MAP2K5: variants seen among roughly 807,000 people sequenced by gnomAD.
The protein encoded by MAP2K5 is mitogen-activated protein kinase kinase 5.
MAP2K5 carries 49 observed loss-of-function variants against 83.1 expected under a neutral mutation model. The observed-to-expected ratio is 0.59, with a 90% confidence interval of 0.47 to 0.75. The LOEUF is 0.75. Ranked by LOEUF, MAP2K5 falls within the 30% of genes least tolerant of loss-of-function variation. The pLI is 0.00. For missense variants in MAP2K5, 457 were observed against 557.5 expected (o/e 0.82, Z 1.82); for synonymous variants, 202 against 191.8 (o/e 1.05, Z -0.44).
At chr15:67,675,027 G>A (rs889505546) in intron 13 of MAP2K5, among the ~76,000 whole-genome samples, 6 of 151,992 alleles carry the variant, frequency 3.9e-5, no homozygotes, top group African/African-American at 1.5e-4. Context: ...CCCCACTGCT[G>A]ACATTTAAAA....
chr15:67,800,041 G>A (rs1198857480), intron 21 of MAP2K5, among the ~76,000 whole-genome samples: 2 of 152,114 alleles, frequency 1.3e-5, no homozygotes, highest in Non-Finnish European at 2.9e-5. Flanking sequence ...TGATTAGCCT[G>A]GCCACGCCCA....
intron 17 of MAP2K5, among the ~76,000 whole-genome samples, chr15:67,737,368 T>G (rs2089365896): frequency 6.6e-6 from 1 of 152,214 alleles, no homozygotes. Context: ...GGATAGGGGC[T>G]CATTGGCTTC....
At position 67,770,783 on chromosome 15, in the gene MAP2K5, T is replaced by A. The variant is rs1196484749; in HGVS notation, c.1196+1120T>A. ...ATATAAATGTCAAGCTTTATCACCTTTTTGACTAAGTGTAACATGTTACCT... is the reference window on the plus strand; with the variant it reads ...ATATAAATGTCAAGCTTTATCACCTATTTGACTAAGTGTAACATGTTACCT... On this transcript the variant is annotated intron_variant, in intron 20 of 21. Transcript: ENST00000178640. The surrounding 1 kb of genome is among the most constrained non-coding windows in gnomAD (Gnocchi z 5.0). 6.6e-6 allele frequency among the ~76,000 whole-genome samples: 1 copy of A among 152,196 alleles called. No individual in the cohort carries two copies. The highest frequency in any genetic ancestry group is 1.5e-5 in the Non-Finnish European group (1 of 68,042).
chr15:67,596,266 C>G (rs995864772), intron 7 of MAP2K5, among the ~76,000 whole-genome samples: 3 of 152,008 alleles, frequency 2.0e-5, no homozygotes, highest in African/African-American at 7.3e-5. Context: ...ACTAAAAATA[C>G]AAAAAATTTG....
chr15:67,563,037 G>C lies in MAP2K5; in HGVS notation c.185-246G>C, dbSNP rs1363307108. 6.6e-6 allele frequency among the ~76,000 whole-genome samples: 1 copy of C among 152,140 alleles called. No homozygotes were observed. On this transcript the variant is annotated intron_variant, in intron 2 of 21. Transcript: ENST00000178640. This position sits in a 1 kb window ranked among gnomAD's most constrained non-coding sequence, Gnocchi z 4.5. ...CTCCAGTTATATTTACTTTAACCTA[G>C]AGATATGTTGTGAATGACATGAGCA...
intron 1 of MAP2K5, among the ~76,000 whole-genome samples, chr15:67,545,846 G>A (rs2084378202): frequency 1.3e-5 from 2 of 152,190 alleles, no homozygotes; most frequent in Non-Finnish European, 2.9e-5. Flanking sequence ...GAACAACTTA[G>A]CACATAGTAA....
intron 17 of MAP2K5, among the ~76,000 whole-genome samples, chr15:67,732,572 C>G (rs1256133154): frequency 2.0e-5 from 3 of 152,170 alleles, no homozygotes; most frequent in African/African-American, 7.2e-5. Context: ...GGAAAAAAAT[C>G]TGAGCAAATA....
Position 67,667,714 on chromosome 15 carries a change from G to C in MAP2K5, c.847+3069G>C, listed in dbSNP as rs553090092. On this transcript the variant is annotated intron_variant, in intron 13 of 21. Transcript: ENST00000178640. ...AAATTTCAAAAGATTAAGAAATGGA[G>C]ATGTGTTCAGTATCTAATGAGAAAA... is the stretch of plus-strand genomic sequence containing the variant. Among the ~76,000 whole-genome samples, 3 of 152,196 alleles carry C rather than the reference G, an allele frequency of 2.0e-5. No homozygotes were observed. In the South Asian group the frequency reaches 6.2e-4, roughly 32 times the overall value.
At chr15:67,645,757 T>G (rs958679814) in intron 9 of MAP2K5, among the ~76,000 whole-genome samples, 2 of 151,024 alleles carry the variant, frequency 1.3e-5, no homozygotes, top group Non-Finnish European at 2.9e-5. Flanking sequence ...CTCGCTATGG[T>G]GCTTAGACTG....
chr15:67,718,517 A>G (rs2088879737), intron 16 of MAP2K5, among the ~76,000 whole-genome samples: 1 of 152,158 alleles, frequency 6.6e-6, no homozygotes, highest in African/African-American at 2.4e-5. Context: ...TAATCCCAGC[A>G]CTTTGGGAGG....
At chr15:67,689,354 T>C (rs1373316098) in intron 13 of MAP2K5, among the ~76,000 whole-genome samples, 1 of 152,188 alleles carries the variant, frequency 6.6e-6, no homozygotes, top group East Asian at 1.9e-4. Context: ...TCAAAGAAGA[T>C]AGTGACTTTG....
chr15:67,799,608 CA>C (rs1017153384), intron 21 of MAP2K5, among the ~76,000 whole-genome samples: 1 of 152,244 alleles, frequency 6.6e-6, no homozygotes, highest in African/African-American at 2.4e-5. Flanking sequence ...GATGTATTTA[CA>C]AGTGTGGCCC....
At chr15:67,679,390 G>C (rs893199829) in intron 13 of MAP2K5, among the ~76,000 whole-genome samples, 1 of 152,076 alleles carries the variant, frequency 6.6e-6, no homozygotes, top group East Asian at 1.9e-4. Context: ...CAATTCAGTG[G>C]GGGGAAAAAA....
At chr15:67,632,925 A>G (rs996999593) in intron 9 of MAP2K5, among the ~76,000 whole-genome samples, 3 of 152,200 alleles carry the variant, frequency 2.0e-5, no homozygotes, top group Middle Eastern at 3.2e-3. Flanking sequence ...AATAAGTTAA[A>G]TAGCTTGTGA....
At chr15:67,752,366 G>C (rs1355528536) in intron 19 of MAP2K5, among the ~76,000 whole-genome samples, 1 of 151,752 alleles carries the variant, frequency 6.6e-6, no homozygotes, top group East Asian at 2.0e-4. Flanking sequence ...GTTTTGCTAA[G>C]GTCACTATCA....
intron 8 of MAP2K5, among the ~76,000 whole-genome samples, chr15:67,602,878 T>A (rs2085692365): frequency 6.6e-6 from 1 of 152,186 alleles, no homozygotes; most frequent in Non-Finnish European, 1.5e-5. Flanking sequence ...GGTCTCGAGC[T>A]CCTGACCTCG....
chr15:67,593,096 A>G (rs1222597684), intron 7 of MAP2K5, 122 bp downstream of exon 7: 6 of 658,356 alleles, frequency 9.1e-6, no homozygotes, highest in Non-Finnish European at 1.3e-5. Flanking sequence ...AATGAATAAC[A>G]TGGCTTAATT....
chr15:67,567,625 A>G (rs369325807), intron 3 of MAP2K5, among the ~76,000 whole-genome samples: 81 of 152,272 alleles, frequency 5.3e-4, no homozygotes, highest in African/African-American at 1.9e-3. Flanking sequence ...CGGCCTCCCA[A>G]AGTGCTGAGA....
chr15:67,574,144 C>G (rs1051158188), intron 3 of MAP2K5, among the ~76,000 whole-genome samples: 2 of 152,176 alleles, frequency 1.3e-5, no homozygotes, highest in African/African-American at 4.8e-5. Context: ...CAGTATTTCT[C>G]AAGAGTGGCT....
Sources: gnomAD v4.1 joint callset for allele counts (sites outside exome capture counted in the v4.1 genomes callset) on GRCh38, gnomAD v4.1.1 for gene constraint, Gnocchi (gnomAD v3.1) non-coding constraint, MANE v1.5 for transcripts, NCBI Gene and HGNC (gene_info 2026-07-23, HGNC 2026-07-21) for gene names.